MTUS1: variants seen among roughly 807,000 people sequenced by gnomAD.
MTUS1 encodes the protein microtubule associated scaffold protein 1, also known as microtubule-associated tumor suppressor 1.
A neutral mutation model predicts 120.8 loss-of-function variants in MTUS1; 109 were observed. The ratio of observed to expected loss-of-function variants is 0.90; its 90% CI spans 0.77 to 1.06. The LOEUF (loss-of-function observed/expected upper bound fraction) is 1.06. MTUS1 is among the 50% of genes least tolerant of loss of function. The pLI is 0.00. For synonymous variants in MTUS1, 737 were observed against 550.5 expected, an observed-to-expected ratio of 1.34 and a Z score of -4.74; for missense variants, 2,210 against 1,486.3, an observed-to-expected ratio of 1.49 and a Z score of -8.01.
At chr8:17,740,887 G>C (rs779696900) in intron 3 of MTUS1, among the ~76,000 whole-genome samples, 1 of 152,026 alleles carries the variant, frequency 6.6e-6, no homozygotes. Context: ...TTTTTTGAAA[G>C]AGAGTTTCGC....
At chr8:17,700,745 G>T (rs75873247) in intron 6 of MTUS1, among the ~76,000 whole-genome samples, 1 of 151,478 alleles carries the variant, frequency 6.6e-6, no homozygotes, top group South Asian at 2.1e-4. Context: ...TTAAGTGTTA[G>T]AATAATTTTA....
At chr8:17,650,589 A>C (rs1361356313) in intron 12 of MTUS1, among the ~76,000 whole-genome samples, 2 of 152,212 alleles carry the variant, frequency 1.3e-5, no homozygotes, top group Non-Finnish European at 2.9e-5. Context: ...ATATGCCTAC[A>C]GTCCCAGCTA....
chr8:17,662,907 G>A (rs919897713), intron 8 of MTUS1, among the ~76,000 whole-genome samples: 2 of 151,442 alleles, frequency 1.3e-5, no homozygotes, highest in Admixed American at 6.6e-5. Flanking sequence ...GGAGAAGAAG[G>A]AAAGGAAGGC....
At chr8:17,768,742 A>G (rs2049771859) in intron 1 of MTUS1, among the ~76,000 whole-genome samples, 2 of 152,084 alleles carry the variant, frequency 1.3e-5, no homozygotes, top group African/African-American at 4.8e-5. Context: ...AAAACAAAAA[A>G]CCATTACAAG....
intron 3 of MTUS1, among the ~76,000 whole-genome samples, chr8:17,742,262 C>A (rs994086057): frequency 1.4e-5 from 2 of 146,374 alleles, no homozygotes; most frequent in Admixed American, 6.8e-5. Context: ...TGCTCTCATG[C>A]CCAGCTGTTT....
At chr8:17,669,291 G>T (rs1009730450) in intron 8 of MTUS1, among the ~76,000 whole-genome samples, 1 of 152,186 alleles carries the variant, frequency 6.6e-6, no homozygotes, top group Non-Finnish European at 1.5e-5. Context: ...GGAGCATGAG[G>T]GGTCCGCGAC....
chr8:17,754,215 C>T lies in MTUS1; in HGVS notation c.1593G>A (p.Thr531=), dbSNP rs748115845. The change falls in exon 2 of 15, where the codon ACG becomes ACA. Residue 531 remains threonine (T), a synonymous_variant. Transcript: ENST00000693296. The part of the protein sequence containing the change: ...QPKDAALSKV[T]PRPQQTSASS... ...AGGCACTGGTCTGCTGAGGTCTGGG[C>T]GTGACCTTTGATAAAGCAGCATCTT... 1.4e-5 allele frequency: 22 copies of T among 1,613,762 alleles called. No individual in the cohort carries two copies. Among genetic ancestry groups the T allele is most frequent in the African/African-American group, 1.1e-4 (8 of 74,844 alleles).
chr8:17,674,694 C>T (rs1812724222), intron 8 of MTUS1: 7 of 987,686 alleles, frequency 7.1e-6, no homozygotes, highest in Non-Finnish European at 8.4e-6. Context: ...CAGCCCCCCT[C>T]CAAATAGTAA....
At chr8:17,679,233 ATAT>A (rs1813759435) in intron 7 of MTUS1, among the ~76,000 whole-genome samples, 2 of 152,076 alleles carry the variant, frequency 1.3e-5, no homozygotes, top group Non-Finnish European at 2.9e-5. Flanking sequence ...TATATTATAC[ATAT>A]ATAAAAATAC....
At chr8:17,712,843 G>C (rs1166483101) in intron 6 of MTUS1, among the ~76,000 whole-genome samples, 3 of 151,922 alleles carry the variant, frequency 2.0e-5, no homozygotes, top group Admixed American at 6.6e-5. Flanking sequence ...TAAAAATATA[G>C]GCTGCTGAAC....
At chr8:17,687,761 T>C (rs1292970350) in intron 6 of MTUS1, among the ~76,000 whole-genome samples, 1 of 152,258 alleles carries the variant, frequency 6.6e-6, no homozygotes, top group East Asian at 1.9e-4. Context: ...TTTGCTCATT[T>C]GGAAAGCAGC....
chr8:17,780,500 G>C (rs75333518), intron 1 of MTUS1, among the ~76,000 whole-genome samples: 2,179 of 152,260 alleles, frequency 0.014, 50 homozygotes, highest in African/African-American at 0.049. Flanking sequence ...AGTGTTCCTG[G>C]TTTTCAACAA....
intron 8 of MTUS1, among the ~76,000 whole-genome samples, chr8:17,663,122 A>G (rs75739150): frequency 0.054 from 8,248 of 152,272 alleles, 451 homozygotes; most frequent in East Asian, 0.24. Context: ...TATCAAGATG[A>G]TATGTGGAAA....
intron 1 of MTUS1, among the ~76,000 whole-genome samples, chr8:17,783,983 G>A (rs1364058888): frequency 6.6e-6 from 1 of 152,148 alleles, no homozygotes; most frequent in Admixed American, 6.5e-5. Context: ...GCAGAGAAAT[G>A]TTCTACCCAC....
In MTUS1 at chr8:17,676,131, G is replaced by A. The variant is rs539225449; in HGVS notation, c.2839-879C>T. 1.7e-5 allele frequency: 11 copies of A among 634,508 alleles called. No individual in the cohort carries two copies. The South Asian group carries it at 1.8e-4, about 10-fold the overall frequency. 39.3% of individuals were successfully genotyped at this position (634,508 alleles called of 1,614,324 possible). On this transcript the variant is annotated intron_variant, in intron 7 of 14. Transcript: ENST00000693296. Reference sequence around the variant, plus strand: ...CAAGACGGAGCTCCCACCACATCCTGATCACAGCGTTGCAGAGATCATGAG... The same window carrying A: ...CAAGACGGAGCTCCCACCACATCCTAATCACAGCGTTGCAGAGATCATGAG...
At position 17,645,731 on chromosome 8, in the gene MTUS1, T is replaced by G; in HGVS notation, c.*195A>C. Reference sequence around the variant, plus strand: ...TTTAAATCTTTTTTTGGAGGAATCTTTTGGACGGAGGCAAAAGTCTTCCTC... The same window carrying G: ...TTTAAATCTTTTTTTGGAGGAATCTGTTGGACGGAGGCAAAAGTCTTCCTC... On this transcript the variant is annotated 3_prime_UTR_variant, in exon 15 of 15. Coordinates refer to ENST00000693296, the MANE Select transcript of MTUS1 (RefSeq NM_001363059.2). 1.6e-6 allele frequency: 1 copy of G among 622,268 alleles called. No individual in the cohort carries two copies. Among genetic ancestry groups the G allele is most frequent in the Non-Finnish European group, 2.5e-6 (1 of 399,374 alleles). The allele number at this position is 622,268 out of a possible 1,614,324, so 38.5% of individuals were successfully genotyped here.
chr8:17,739,262 G>A (rs1358334787), intron 3 of MTUS1, among the ~76,000 whole-genome samples: 1 of 152,188 alleles, frequency 6.6e-6, no homozygotes, highest in African/African-American at 2.4e-5. Context: ...GGGAGGCCGA[G>A]GCGGGTGGAT....
At chr8:17,718,359 G>A (rs552329457) in intron 4 of MTUS1, among the ~76,000 whole-genome samples, 139 of 152,338 alleles carry the variant, frequency 9.1e-4, no homozygotes, top group African/African-American at 3.3e-3. Flanking sequence ...GGAACAGGAT[G>A]TAAAATATCC....
chr8:17,739,456 T>C (rs1366151962), intron 3 of MTUS1, among the ~76,000 whole-genome samples: 2 of 150,776 alleles, frequency 1.3e-5, no homozygotes, highest in Admixed American at 6.6e-5. Flanking sequence ...TTGCGTCAAT[T>C]GCACTCCAGC....
Sources: allele counts gnomAD v4.1 joint callset (sites outside exome capture counted in the v4.1 genomes callset), GRCh38; gene constraint gnomAD v4.1.1; transcripts MANE v1.5; gene names NCBI Gene and HGNC (gene_info 2026-07-23, HGNC 2026-07-21).